The following LRFN2 variants were observed in gnomAD, a reference collection of about 807,000 sequenced individuals.
The protein encoded by LRFN2 is leucine-rich repeat and fibronectin type-III domain-containing protein 2.
Under a neutral mutation model 37.3 loss-of-function variants are expected in LRFN2, and 18 were observed. The ratio of observed to expected loss-of-function variants is 0.48; its 90% CI spans 0.33 to 0.72. The LOEUF is 0.72. LRFN2 is among the 30% of genes least tolerant of loss of function. The pLI is 0.02. For missense variants in LRFN2, 1,006 were observed against 1,060.7 expected, an observed-to-expected ratio of 0.95 and a Z score of 0.72; for synonymous variants, 556 against 466.6, an observed-to-expected ratio of 1.19 and a Z score of -2.47.
Position 40,473,003 on chromosome 6 carries a change from G to A in LRFN2, c.-18-39872C>T, listed in dbSNP as rs562940606. Among the ~76,000 whole-genome samples, 19 of 152,168 alleles carry A rather than the reference G, an allele frequency of 1.2e-4. No individual in the cohort carries two copies. The South Asian group carries it at 3.5e-3, about 28-fold the overall frequency. On this transcript the variant is annotated intron_variant, in intron 1 of 2. Coordinates refer to ENST00000338305, the MANE Select transcript of LRFN2 (RefSeq NM_020737.3). The stretch of plus-strand genomic sequence containing the variant: ...GTTTCGGAAATGGGTCTCATTGGGC[G>A]AGATGCTGGAACAGGGGACACAAAA...
chr6:40,402,077 C>T (rs762278755), intron 2 of LRFN2, among the ~76,000 whole-genome samples: 7 of 152,172 alleles, frequency 4.6e-5, no homozygotes, highest in Admixed American at 1.3e-4. Context: ...TCTCTTCCTG[C>T]GAGCCCCAAA....
At chr6:40,485,575 G>A (rs1158038853) in intron 1 of LRFN2, among the ~76,000 whole-genome samples, 1 of 152,178 alleles carries the variant, frequency 6.6e-6, no homozygotes, top group South Asian at 2.1e-4. Flanking sequence ...CTCCAACATC[G>A]ACAGCAAGGC....
rs564394109 is a variant in LRFN2 at position 40,580,332 on chromosome 6, C to T, written c.-19+6609G>A. Among the ~76,000 whole-genome samples the T allele has an allele frequency of 5.9e-5, 9 of 152,280 alleles. No homozygotes were observed. In the South Asian group the frequency reaches 1.9e-3, roughly 32 times the overall value. On this transcript the variant is annotated intron_variant, in intron 1 of 2. Transcript: ENST00000338305. ...GAAGGAAGACACGATCACCAAGAAG[C>T]GGCTGGAGTATGCACATGTCCTGGC...
chr6:40,392,141 G>T lies in LRFN2; in HGVS notation c.2172C>A (p.Phe724Leu), dbSNP rs144850104. 6.2e-7 allele frequency: 1 copy of T among 1,610,880 alleles called. No homozygotes were observed. Among genetic ancestry groups the T allele is most frequent in the East Asian group, 2.2e-5 (1 of 44,840 alleles). ...LEGKAKRSHS[F>L]DMGDFAAAAA... ...CCGCAGCAGCAAAGTCCCCCATGTC[G>T]AAGGAGTGGCTGCGTTTGGCCTTGC... is the stretch of plus-strand genomic sequence containing the variant. The change falls in exon 3 of 3, where the codon TTC becomes TTA. Residue 724 changes from phenylalanine (F) to leucine (L), a missense_variant. Around this residue, in one of 4 missense-constraint regions of LRFN2, gnomAD observed 398 missense variants for 327.6 expected, o/e 1.21. Transcript: ENST00000338305. This position sits in a 1 kb window ranked among gnomAD's most constrained non-coding sequence, Gnocchi z 4.7.
intron 1 of LRFN2, among the ~76,000 whole-genome samples, chr6:40,564,146 G>T (rs936548079): frequency 6.6e-6 from 1 of 152,142 alleles, no homozygotes; most frequent in Admixed American, 6.5e-5. Context: ...TTCCAATGTG[G>T]GTTCAGCTGA....
chr6:40,575,047 A>C (rs1172090391), intron 1 of LRFN2, among the ~76,000 whole-genome samples: 1 of 152,144 alleles, frequency 6.6e-6, no homozygotes, highest in Admixed American at 6.5e-5. Context: ...CCTTAGGATG[A>C]TGGAGGAAGT....
At chr6:40,429,075 C>T (rs1369984182) in intron 2 of LRFN2, among the ~76,000 whole-genome samples, 1 of 152,204 alleles carries the variant, frequency 6.6e-6, no homozygotes, top group Non-Finnish European at 1.5e-5. Flanking sequence ...ACTGTATCTC[C>T]TCTTATCTGC....
At chr6:40,537,138 G>A (rs571715689) in intron 1 of LRFN2, among the ~76,000 whole-genome samples, 9 of 152,248 alleles carry the variant, frequency 5.9e-5, no homozygotes, top group African/African-American at 2.2e-4. Context: ...TTGTTTCCAG[G>A]GACGGGGAGC....
intron 1 of LRFN2, among the ~76,000 whole-genome samples, chr6:40,565,367 C>T (rs200138274): frequency 1.3e-5 from 2 of 151,628 alleles, no homozygotes; most frequent in Non-Finnish European, 2.9e-5. Flanking sequence ...CTTTCTTCAC[C>T]GAATTGGAAA....
At chr6:40,425,726 T>C (rs1328912065) in intron 2 of LRFN2, among the ~76,000 whole-genome samples, 1 of 152,178 alleles carries the variant, frequency 6.6e-6, no homozygotes, top group Non-Finnish European at 1.5e-5. Context: ...GTCTCCAGTG[T>C]GTCACAGCGC....
chr6:40,480,960 GA>G (rs1266360339), intron 1 of LRFN2, among the ~76,000 whole-genome samples: 30 of 152,152 alleles, frequency 2.0e-4, no homozygotes, highest in Non-Finnish European at 3.7e-4. Context: ...TATACATCTG[GA>G]GGGAAGGCTT....
At chr6:40,471,652 G>T (rs1322166173) in intron 1 of LRFN2, among the ~76,000 whole-genome samples, 2 of 152,282 alleles carry the variant, frequency 1.3e-5, no homozygotes, top group Non-Finnish European at 1.5e-5. Context: ...TCAAAGCGTT[G>T]CAGTGAGGAT....
intron 1 of LRFN2, among the ~76,000 whole-genome samples, chr6:40,444,797 C>T (rs998121947): frequency 1.3e-5 from 2 of 152,164 alleles, no homozygotes; most frequent in Non-Finnish European, 2.9e-5. Context: ...GTTCTGTCCA[C>T]CCCGCACAGT....
chr6:40,402,846 G>A (rs532023973), intron 2 of LRFN2, among the ~76,000 whole-genome samples: 2 of 152,324 alleles, frequency 1.3e-5, no homozygotes, highest in South Asian at 4.1e-4. Context: ...TGAATGAGGA[G>A]GACAATCTCT....
intron 2 of LRFN2, among the ~76,000 whole-genome samples, chr6:40,416,880 C>T (rs1763104882): frequency 1.3e-5 from 2 of 152,210 alleles, no homozygotes; most frequent in Non-Finnish European, 1.5e-5. Context: ...AATTCCCGGC[C>T]CTCCGAACTG....
chr6:40,399,456 GAC>G (rs1181855829), intron 2 of LRFN2, among the ~76,000 whole-genome samples: 1 of 99,150 alleles, frequency 1.0e-5, no homozygotes, highest in South Asian at 3.4e-4. Flanking sequence ...TTTTTTTTGA[GAC>G]ACAGTCTCAC....
In LRFN2 at chr6:40,391,916, C is replaced by T. The variant is rs762812329; in HGVS notation, c.*27G>A. 5 of 1,503,360 alleles carry T rather than the reference C, an allele frequency of 3.3e-6. No homozygotes were observed. The African/African-American group carries it at 7.1e-5, about 21-fold the overall frequency. 93.1% of individuals were successfully genotyped at this position (1,503,360 alleles called of 1,614,324 possible). On this transcript the variant is annotated 3_prime_UTR_variant, in exon 3 of 3. Coordinates refer to ENST00000338305, the MANE Select transcript of LRFN2 (RefSeq NM_020737.3). ...CTTTCCCCTTCTCCCACCCTGCGCA[C>T]AGGAAAGGGAGCATGCCCACCCCCA...
intron 1 of LRFN2, among the ~76,000 whole-genome samples, chr6:40,468,571 G>T (rs758554178): frequency 6.6e-6 from 1 of 152,110 alleles, no homozygotes; most frequent in Non-Finnish European, 1.5e-5. Flanking sequence ...ATAAAAGTGG[G>T]TTATGTGAAG....
intron 2 of LRFN2, among the ~76,000 whole-genome samples, chr6:40,395,038 C>G: frequency 6.6e-6 from 1 of 151,356 alleles, no homozygotes; most frequent in Non-Finnish European, 1.5e-5. Flanking sequence ...ACAGCCCCAC[C>G]CTTAGCACAG....
Sources: gnomAD v4.1 joint callset for allele counts (sites outside exome capture counted in the v4.1 genomes callset) on GRCh38, gnomAD v4.1.1 for gene constraint, gnomAD v4.1.1 regional missense constraint, Gnocchi (gnomAD v3.1) non-coding constraint, MANE v1.5 for transcripts, NCBI Gene and HGNC (gene_info 2026-07-23, HGNC 2026-07-21) for gene names.